Variants in CYP4F11 observed in about 807,000 individuals in gnomAD.
The protein encoded by CYP4F11 is cytochrome P450 family 4 subfamily F member 11.
In CYP4F11, 79 loss-of-function variants were observed where a neutral mutation model predicts 62.2. That is an observed-to-expected ratio of 1.27 (90% confidence interval 1.06 to 1.53). The LOEUF is 1.53. Among genes scored for constraint, CYP4F11 ranks in the 40% most tolerant of loss-of-function variants. CYP4F11 has a pLI of 0.00. For missense variants in CYP4F11, 777 were observed against 680.5 expected, an observed-to-expected ratio of 1.14 and a Z score of -1.58; for synonymous variants, 290 against 263.7, an observed-to-expected ratio of 1.10 and a Z score of -0.97.
intron 1 of CYP4F11, 80 bp from the exon 2 acceptor site, chr19:15,929,681 C>A: frequency 6.8e-7 from 1 of 1,481,450 alleles, no homozygotes; most frequent in Non-Finnish European, 9.1e-7. Flanking sequence ...TCCACGTGAC[C>A]GAGCCAAGAG....
intron 1 of CYP4F11, among the ~76,000 whole-genome samples, chr19:15,931,121 A>C (rs1386051500): frequency 6.6e-6 from 1 of 151,992 alleles, no homozygotes; most frequent in East Asian, 1.9e-4. Context: ...GGCAGGTAAC[A>C]AGGCCGACTG....
chr19:15,918,707 G>T (rs1431420709), intron 8 of CYP4F11, among the ~76,000 whole-genome samples: 2 of 152,082 alleles, frequency 1.3e-5, no homozygotes, highest in Non-Finnish European at 2.9e-5. Context: ...ATGGAAAGAG[G>T]TTTAGATAAA....
chr19:15,914,863 A>G lies in CYP4F11; in HGVS notation c.1148T>C (p.Met383Thr), dbSNP rs1446708813. The change falls in exon 9 of 12, where the codon ATG becomes ACG. Residue 383 changes from methionine (M) to threonine (T), a missense_variant. Met to Thr is a moderately conservative substitution (Grantham distance 81, BLOSUM62 -1). Coordinates refer to ENST00000402119, the MANE Select transcript of CYP4F11 (RefSeq NM_021187.4). ...DDLAQLPFLTMCIKESLRLHP... is the reference protein window; with the variant it reads ...DDLAQLPFLTTCIKESLRLHP... ...CAACCGCAGGCTCTCCTTAATGCACATGGTCAGGAAGGGCAGCTGGGCCAG... is the reference window on the plus strand; with the variant it reads ...CAACCGCAGGCTCTCCTTAATGCACGTGGTCAGGAAGGGCAGCTGGGCCAG... 1.9e-6 allele frequency: 3 copies of G among 1,614,154 alleles called. No individual in the cohort carries two copies. The highest frequency in any genetic ancestry group is 1.3e-5 in the African/African-American group (1 of 75,024).
At chr19:15,913,969 G>A in intron 11 of CYP4F11, 60 bp from the exon 12 acceptor site, 2 of 1,551,260 alleles carry the variant, frequency 1.3e-6, no homozygotes, top group Non-Finnish European at 1.7e-6. Context: ...GCCCCATCAT[G>A]CTTAGAACCT....
At chr19:15,914,432 T>G (rs184657486) in intron 10 of CYP4F11, 45 bp from the exon 11 acceptor site, 2 of 1,589,370 alleles carry the variant, frequency 1.3e-6, no homozygotes, top group East Asian at 4.5e-5. Context: ...GTCACCCAGT[T>G]GGGTGGGGTC....
chr19:15,914,529 G>A, intron 10 of CYP4F11, 73 bp downstream of exon 10: 1 of 1,588,886 alleles, frequency 6.3e-7, no homozygotes, highest in African/African-American at 1.3e-5. Context: ...GGATTTTCCT[G>A]GTCAAAACCC....
rs71178625 is a variant in CYP4F11, at chr19:15,912,668, G to GAAAAAAAAAA, written c.*1054_*1063dup. On this transcript the variant is annotated 3_prime_UTR_variant, in exon 12 of 12. Transcript: ENST00000402119. The stretch of plus-strand genomic sequence containing the variant: ...AGTCAGGTACCTTCACCATCCTCAG[G>GAAAAAAAAAA]AAAAAAAAAAAAATATATATATATA... 3 of 59,792 alleles carry GAAAAAAAAAA rather than the reference G, an allele frequency of 5.0e-5. 1 individual carries two copies. The highest frequency in any genetic ancestry group is 9.3e-5 in the Non-Finnish European group (3 of 32,252). The allele number at this position is 59,792 out of a possible 1,614,324, so 3.7% of individuals were successfully genotyped here. A position where few individuals can be genotyped will look rare whatever the true frequency, so the allele number is the denominator to read the frequency against.
chr19:15,915,682 T>C (rs895838109), intron 8 of CYP4F11, among the ~76,000 whole-genome samples: 2 of 151,828 alleles, frequency 1.3e-5, no homozygotes, highest in African/African-American at 4.8e-5. Context: ...AGTATGTCAG[T>C]CTTTTCTTGT....
intron 8 of CYP4F11, among the ~76,000 whole-genome samples, chr19:15,917,193 G>C (rs2089589851): frequency 6.6e-6 from 1 of 152,134 alleles, no homozygotes; most frequent in Non-Finnish European, 1.5e-5. Flanking sequence ...ATATCATATA[G>C]TCTCACTTAT....
chr19:15,927,760 C>A, intron 2 of CYP4F11: 1 of 484,430 alleles, frequency 2.1e-6, no homozygotes, highest in Non-Finnish European at 3.7e-6. Flanking sequence ...GAGCATAGCT[C>A]AACACTCTAC....
At chr19:15,915,393 C>T (rs919429033) in intron 8 of CYP4F11, among the ~76,000 whole-genome samples, 3 of 152,146 alleles carry the variant, frequency 2.0e-5, no homozygotes, top group East Asian at 1.9e-4. Flanking sequence ...CATTTATAAA[C>T]ATTTAAGACC....
At chr19:15,921,616 G>A (rs2089629951) in intron 8 of CYP4F11, among the ~76,000 whole-genome samples, 1 of 152,204 alleles carries the variant, frequency 6.6e-6, no homozygotes, top group Non-Finnish European at 1.5e-5. Context: ...GAACAATGCA[G>A]GTGTTCTGGA....
chr19:15,916,625 AG>A (rs1222427479), intron 8 of CYP4F11, among the ~76,000 whole-genome samples: 1 of 152,180 alleles, frequency 6.6e-6, no homozygotes, highest in Non-Finnish European at 1.5e-5. Context: ...AGACATGAAT[AG>A]GCATTTCTCA....
chr19:15,925,876 C>T (rs1336513834), intron 4 of CYP4F11, among the ~76,000 whole-genome samples: 1 of 151,508 alleles, frequency 6.6e-6, no homozygotes, highest in African/African-American at 2.4e-5. Context: ...TAAAAAAGCA[C>T]ATTCCCGGCC....
In CYP4F11 at chr19:15,934,460, C is replaced by T. The variant is rs1192685384; in HGVS notation, c.-52G>A. 1 of 1,594,222 alleles carries T rather than the reference C, an allele frequency of 6.3e-7. No homozygotes were observed. Among genetic ancestry groups the T allele is most frequent in the Non-Finnish European group, 8.5e-7 (1 of 1,172,498 alleles). On this transcript the variant is annotated 5_prime_UTR_variant, in exon 1 of 12. Coordinates refer to ENST00000402119, the MANE Select transcript of CYP4F11 (RefSeq NM_021187.4). ...GGGATCCTGAGGCCCAGGGAAGGGCCCAGGAAGCTCCAAGGACAGTGGAAA... is the reference window on the plus strand; with the variant it reads ...GGGATCCTGAGGCCCAGGGAAGGGCTCAGGAAGCTCCAAGGACAGTGGAAA...
intron 8 of CYP4F11, among the ~76,000 whole-genome samples, chr19:15,920,199 G>T (rs552700753): frequency 6.6e-6 from 1 of 152,142 alleles, no homozygotes; most frequent in Admixed American, 6.5e-5. Context: ...ATCAAAATTT[G>T]TCAATTAAAA....
In CYP4F11 at chr19:15,922,061, T is replaced by A; in HGVS notation, c.1091A>T (p.Asp364Val). 2.5e-6 allele frequency: 4 copies of A among 1,612,700 alleles called. No homozygotes were observed. Among genetic ancestry groups the A allele is most frequent in the Non-Finnish European group, 3.4e-6 (4 of 1,179,204 alleles). The change falls in exon 8 of 12, where the codon GAC (aspartate) becomes GTC (valine). Residue 364 changes from aspartate (D) to valine (V), a missense_variant. By Grantham distance (152) the Asp-to-Val change is radical (BLOSUM62 -3). Transcript: ENST00000402119. ...CCATTCAATCTCTATAGGTTCACGGTCCTTCAGAAGCTCTTGCACTTCTTG... is the reference window on the plus strand; with the variant it reads ...CCATTCAATCTCTATAGGTTCACGGACCTTCAGAAGCTCTTGCACTTCTTG... ...CRQEVQELLK[D>V]REPIEIEWDD...
intron 1 of CYP4F11, among the ~76,000 whole-genome samples, chr19:15,931,661 CGAGGAGAGGAATGAGT>C (rs2089725257): frequency 1.8e-4 from 4 of 22,274 alleles, no homozygotes; most frequent in Admixed American, 4.9e-4. Context: ...AATGAGTGAG[CGAGGAGAGGAATGAGT>C]GAGCGAGGAG....
Position 15,913,496 on chromosome 19 carries a change from T to C in CYP4F11, c.*236A>G. 1.8e-6 allele frequency: 1 copy of C among 553,628 alleles called. No individual in the cohort carries two copies. Among genetic ancestry groups the C allele is most frequent in the Non-Finnish European group, 3.2e-6 (1 of 310,646 alleles). 34.3% of individuals were successfully genotyped at this position (553,628 alleles called of 1,614,324 possible). Reference sequence around the variant, plus strand: ...GCTCCCTACTGCCCACAGGATAAAGTTTTTACTTGGGCTCTGGGAGAACCC... The same window carrying C: ...GCTCCCTACTGCCCACAGGATAAAGCTTTTACTTGGGCTCTGGGAGAACCC... On this transcript the variant is annotated 3_prime_UTR_variant, in exon 12 of 12. Coordinates refer to ENST00000402119, the MANE Select transcript of CYP4F11 (RefSeq NM_021187.4).
Sources: allele counts gnomAD v4.1 joint callset (sites outside exome capture counted in the v4.1 genomes callset), GRCh38; gene constraint gnomAD v4.1.1; transcripts MANE v1.5; gene names NCBI Gene and HGNC (gene_info 2026-07-23, HGNC 2026-07-21).